Variants in HDAC4 observed in about 807,000 individuals in gnomAD.
The protein encoded by HDAC4 is histone deacetylase A.
HDAC4 carries 16 observed loss-of-function variants against 135.1 expected under a neutral mutation model. The observed-to-expected ratio is 0.12, with a 90% CI of 0.08 to 0.18. The LOEUF (loss-of-function observed/expected upper bound fraction) is 0.18. Among genes scored for constraint, HDAC4 ranks in the 10% least tolerant of loss-of-function variants. The pLI is 1.00. For missense variants in HDAC4, 1,143 were observed against 1,511.8 expected (o/e 0.76, Z 4.05); for synonymous variants, 685 against 653.4 (o/e 1.05, Z -0.74).
At chr2:239,298,698 T>C (rs2052060080) in intron 2 of HDAC4, 1 of 820,168 alleles carries the variant, frequency 1.2e-6, no homozygotes, top group Non-Finnish European at 1.5e-6. Context: ...GTGGAAATCA[T>C]GACACTCCAC....
intron 2 of HDAC4, among the ~76,000 whole-genome samples, chr2:239,347,810 C>T (rs896811097): frequency 3.9e-5 from 6 of 152,316 alleles, no homozygotes; most frequent in South Asian, 2.1e-4. Flanking sequence ...CCACCGCACC[C>T]GGCCACTTAT....
intron 2 of HDAC4, among the ~76,000 whole-genome samples, chr2:239,347,977 T>C (rs963726147): frequency 6.8e-6 from 1 of 146,680 alleles, no homozygotes. Context: ...TCCCAGCAAA[T>C]GCACTGCTTC....
chr2:239,290,776 T>C (rs1026875501), intron 2 of HDAC4, among the ~76,000 whole-genome samples: 14 of 152,026 alleles, frequency 9.2e-5, no homozygotes, highest in Non-Finnish European at 1.9e-4. Context: ...CACGCTCCCG[T>C]GTTTAGTGTG....
intron 3 of HDAC4, among the ~76,000 whole-genome samples, chr2:239,226,019 C>G (rs566338708): frequency 1.4e-4 from 21 of 152,144 alleles, no homozygotes; most frequent in African/African-American, 4.6e-4. Flanking sequence ...AGCTGCACCG[C>G]GACACCCTAA....
At chr2:239,246,736 T>C (rs1273158198) in intron 2 of HDAC4, among the ~76,000 whole-genome samples, 5 of 152,232 alleles carry the variant, frequency 3.3e-5, no homozygotes, top group African/African-American at 1.2e-4. Context: ...AGCTCTCAGC[T>C]ACCCCTACCT....
At chr2:239,085,168 T>C (rs2152701930) in intron 19 of HDAC4, among the ~76,000 whole-genome samples, 1 of 152,174 alleles carries the variant, frequency 6.6e-6, no homozygotes, top group East Asian at 1.9e-4. Context: ...ACCCTTCCTC[T>C]CAGGAGCTGC....
At position 239,335,024 on chromosome 2, in the gene HDAC4, CAAAAAAAAA is replaced by C. The variant is rs35641548; in HGVS notation, c.22+17645_22+17653del. 2.6e-3 allele frequency among the ~76,000 whole-genome samples: 249 copies of C among 94,494 alleles called. 2 individuals are homozygous for C. The highest frequency in any genetic ancestry group is 2.8e-3 in the Non-Finnish European group (142 of 50,250). 62.0% of individuals were successfully genotyped at this position (94,494 alleles called of 152,430 possible). A position where few individuals can be genotyped will look rare whatever the true frequency, so the allele number is the denominator to read the frequency against. On this transcript the variant is annotated intron_variant, in intron 2 of 26. Coordinates refer to ENST00000543185, the MANE Select transcript of HDAC4 (RefSeq NM_001378414.1). ...TGGAAGACAGAGCAAGACTCCATCTCAAAAAAAAAAAAAAAAAAAATCCATATGGAAATG... is the reference window on the plus strand; with the variant it reads ...TGGAAGACAGAGCAAGACTCCATCTCAAAAAAAAAAATCCATATGGAAATG...
At position 239,051,253 on chromosome 2, in the gene HDAC4, C is replaced by T. The variant is rs1242277871; in HGVS notation, c.*1844G>A. On this transcript the variant is annotated 3_prime_UTR_variant, in exon 27 of 27. Transcript: ENST00000543185. ...AGAGCCCCTGGGCTTCTTTATACAG[C>T]TCCTAGGACAGACCAGGAAAGACAC... 6.6e-6 allele frequency: 1 copy of T among 152,354 alleles called. No individual in the cohort carries two copies. The highest frequency in any genetic ancestry group is 1.5e-5 in the Non-Finnish European group (1 of 68,036). The allele number at this position is 152,354 out of a possible 1,614,324, so 9.4% of individuals were successfully genotyped here.
At chr2:239,298,835 C>T (rs140762005) in intron 2 of HDAC4, among the ~76,000 whole-genome samples, 71 of 150,958 alleles carry the variant, frequency 4.7e-4, no homozygotes, top group African/African-American at 1.7e-3. Context: ...GTACTGAATC[C>T]GGAAGCAACC....
rs528609316 is a variant in HDAC4 at position 239,084,246 on chromosome 2, C to T, written c.2445-4G>A. ...GGAGTTGAAGTAGCAAAAGCCCCTG[C>T]GGGAGAGAACTGACGCTGGAGACGA... On this transcript the variant is annotated splice_polypyrimidine_tract_variant and splice_region_variant and intron_variant, in intron 19 of 26. Transcript: ENST00000543185. 1.0e-4 allele frequency: 163 copies of T among 1,607,034 alleles called. No homozygotes were observed. Among genetic ancestry groups the T allele is most frequent in the Middle Eastern group, 3.3e-4 (2 of 6,056 alleles).
chr2:239,317,300 T>C (rs1465862749), intron 2 of HDAC4, among the ~76,000 whole-genome samples: 1 of 151,796 alleles, frequency 6.6e-6, no homozygotes, highest in East Asian at 1.9e-4. Flanking sequence ...AACTGCCATG[T>C]GTGTGGGTGG....
chr2:239,107,997 C>T, intron 15 of HDAC4, 53 bp downstream of exon 15: 1 of 1,606,540 alleles, frequency 6.2e-7, no homozygotes, highest in Non-Finnish European at 8.5e-7. Flanking sequence ...CACGAGGGTC[C>T]CCTCTAATGG....
intron 3 of HDAC4, among the ~76,000 whole-genome samples, chr2:239,212,582 T>G (rs2046401981): frequency 6.6e-6 from 1 of 152,170 alleles, no homozygotes; most frequent in South Asian, 2.1e-4. Flanking sequence ...TCATCCCTTC[T>G]GCCCCCCATA....
At chr2:239,341,211 A>G (rs1373877474) in intron 2 of HDAC4, among the ~76,000 whole-genome samples, 1 of 152,264 alleles carries the variant, frequency 6.6e-6, no homozygotes, top group Non-Finnish European at 1.5e-5. Flanking sequence ...CGATCCTTTC[A>G]CAAAAACAAG....
At chr2:239,368,417 T>C (rs2138168) in intron 1 of HDAC4, among the ~76,000 whole-genome samples, 78,410 of 151,980 alleles carry the variant, frequency 0.52, 21,609 homozygotes, top group East Asian at 0.85. Flanking sequence ...CGCTGCTGCA[T>C]TTCACCTTTC....
intron 3 of HDAC4, chr2:239,191,064 G>A (rs2044916304): frequency 2.2e-6 from 1 of 450,544 alleles, no homozygotes; most frequent in African/African-American, 2.0e-5. Context: ...ACTTCACTGA[G>A]AGTCCAAGTG....
chr2:239,113,982 G>A lies in HDAC4; in HGVS notation c.1791+1071C>T, dbSNP rs181511284. 9.2e-5 allele frequency among the ~76,000 whole-genome samples: 14 copies of A among 152,296 alleles called. No homozygotes were observed. The East Asian group carries it at 1.5e-3, about 17-fold the overall frequency. Reference sequence around the variant, plus strand: ...CAATGCCAGCCACTGGGGGAAGCTCGGTGGAGAAGGGCTCCTGACCCAGAA... The same window carrying A: ...CAATGCCAGCCACTGGGGGAAGCTCAGTGGAGAAGGGCTCCTGACCCAGAA... On this transcript the variant is annotated intron_variant, in intron 13 of 26. Transcript: ENST00000543185.
chr2:239,166,762 G>T (rs2043144872), intron 5 of HDAC4, among the ~76,000 whole-genome samples: 1 of 152,110 alleles, frequency 6.6e-6, no homozygotes, highest in South Asian at 2.1e-4. Flanking sequence ...CCACAACTAG[G>T]AATAAAAGGA....
Position 239,380,273 on chromosome 2 carries a change from C to T in HDAC4, c.-220+20705G>A, listed in dbSNP as rs1376484490. ...TAAATCGAGGATGGGCATATGCACA[C>T]ACACGTCCGTGCACACATTTAACTT... On this transcript the variant is annotated intron_variant, in intron 1 of 26. Coordinates refer to ENST00000543185, the MANE Select transcript of HDAC4 (RefSeq NM_001378414.1). 2.0e-5 allele frequency among the ~76,000 whole-genome samples: 3 copies of T among 152,224 alleles called. No individual in the cohort carries two copies. The East Asian group carries it at 5.8e-4, about 29-fold the overall frequency.
Sources: allele counts gnomAD v4.1 joint callset (sites outside exome capture counted in the v4.1 genomes callset), GRCh38; gene constraint gnomAD v4.1.1; transcripts MANE v1.5; gene names NCBI Gene and HGNC (gene_info 2026-07-23, HGNC 2026-07-21).